SLIT3: variants seen among roughly 807,000 people sequenced by gnomAD.
The protein encoded by SLIT3 is slit guidance ligand 3.
SLIT3 carries 68 observed loss-of-function variants against 184.0 expected under a neutral mutation model. The ratio of observed to expected loss-of-function variants is 0.37; its 90% confidence interval spans 0.30 to 0.45. The LOEUF is 0.45. Among genes scored for constraint, SLIT3 ranks in the 20% least tolerant of loss-of-function variants. The probability of loss-of-function intolerance (pLI) is 1.00; values close to 1 mark genes in which losing one functional copy is unlikely to be tolerated. For missense variants in SLIT3, 1,707 were observed against 2,026.0 expected (o/e 0.84, Z 3.02); for synonymous variants, 831 against 828.6 (o/e 1.00, Z -0.05).
chr5:168,850,765 C>T (rs111914324), intron 5 of SLIT3, among the ~76,000 whole-genome samples: 296 of 152,328 alleles, frequency 1.9e-3, no homozygotes, highest in Middle Eastern at 6.8e-3. Context: ...TGCCGTTCAA[C>T]ATATGCAACT....
chr5:168,741,217 T>C (rs1171666349), intron 20 of SLIT3, among the ~76,000 whole-genome samples: 16 of 152,036 alleles, frequency 1.1e-4, no homozygotes, highest in Non-Finnish European at 1.9e-4. Context: ...ATGCCTGTAA[T>C]CCCAGCACTT....
chr5:168,827,572 G>C (rs1757745996), intron 6 of SLIT3, among the ~76,000 whole-genome samples: 1 of 152,088 alleles, frequency 6.6e-6, no homozygotes, highest in African/African-American at 2.4e-5. Flanking sequence ...ATTACCCTTA[G>C]AGCTTATCTG....
chr5:169,214,800 A>G (rs4867758), intron 3 of SLIT3, among the ~76,000 whole-genome samples: 47,399 of 152,054 alleles, frequency 0.31, 8,358 homozygotes, highest in East Asian at 0.69. Context: ...CTCAGAGAAT[A>G]GCTCTGAGCA....
At chr5:168,999,127 G>T (rs1356020894) in intron 4 of SLIT3, among the ~76,000 whole-genome samples, 1 of 152,048 alleles carries the variant, frequency 6.6e-6, no homozygotes, top group Non-Finnish European at 1.5e-5. Context: ...CATTGCCCAG[G>T]CTGGTGTCGA....
At chr5:169,181,496 C>T (rs1357596938) in intron 4 of SLIT3, among the ~76,000 whole-genome samples, 1 of 152,124 alleles carries the variant, frequency 6.6e-6, no homozygotes, top group East Asian at 1.9e-4. Context: ...AATCCCAACA[C>T]TTTGGGAGGC....
chr5:168,757,704 G>A (rs1357759387), intron 16 of SLIT3, among the ~76,000 whole-genome samples: 1 of 152,124 alleles, frequency 6.6e-6, no homozygotes, highest in Non-Finnish European at 1.5e-5. Flanking sequence ...CAAAGTGCTG[G>A]GATTACAGGC....
At chr5:169,134,470 T>G (rs1234010379) in intron 4 of SLIT3, among the ~76,000 whole-genome samples, 1 of 152,070 alleles carries the variant, frequency 6.6e-6, no homozygotes, top group African/African-American at 2.4e-5. Context: ...TTTCTCCCAC[T>G]CCCCCATAGC....
At chr5:168,915,819 T>C (rs1218623683) in intron 4 of SLIT3, among the ~76,000 whole-genome samples, 1 of 152,242 alleles carries the variant, frequency 6.6e-6, no homozygotes. Context: ...AAATGTCATA[T>C]GTGAACTGTG....
chr5:168,859,397 T>C (rs1759023105), intron 5 of SLIT3, among the ~76,000 whole-genome samples: 1 of 152,060 alleles, frequency 6.6e-6, no homozygotes, highest in Non-Finnish European at 1.5e-5. Context: ...AGCACCATTT[T>C]TTTCAAGATA....
chr5:168,900,085 T>C (rs1021792670), intron 4 of SLIT3, among the ~76,000 whole-genome samples: 1 of 152,248 alleles, frequency 6.6e-6, no homozygotes, highest in South Asian at 2.1e-4. Context: ...AAAACCACAA[T>C]GAGATATCAT....
At chr5:169,069,496 T>TAG (rs993837370) in intron 4 of SLIT3, among the ~76,000 whole-genome samples, 35 of 152,078 alleles carry the variant, frequency 2.3e-4, no homozygotes, top group Admixed American at 2.3e-3. Flanking sequence ...TGCAATTCAC[T>TAG]AGAGAGAGAG....
At chr5:169,009,985 A>T (rs984348427) in intron 4 of SLIT3, among the ~76,000 whole-genome samples, 1 of 152,192 alleles carries the variant, frequency 6.6e-6, no homozygotes, top group African/African-American at 2.4e-5. Context: ...AGAAAGGAAA[A>T]GTAGCATGCA....
intron 4 of SLIT3, among the ~76,000 whole-genome samples, chr5:169,108,245 G>A (rs1760290099): frequency 1.3e-5 from 2 of 152,230 alleles, no homozygotes; most frequent in Non-Finnish European, 2.9e-5. Flanking sequence ...GGGAGACAGT[G>A]GAAGAGAAGA....
intron 35 of SLIT3, 64 bp downstream of exon 35, chr5:168,669,719 G>T (rs1582509008): frequency 1.5e-6 from 2 of 1,334,676 alleles, no homozygotes; most frequent in Non-Finnish European, 2.1e-6. Flanking sequence ...GAACTGAGGT[G>T]ATCTGGATGT....
In SLIT3 at chr5:168,701,876, T is replaced by C. The variant is rs749109127; in HGVS notation, c.2845-1197A>G. ...ATCCTCTTCCCTCTTCTGCTGTTGC[T>C]GGTGATGTGATGGAATGGAACTGGG... On this transcript the variant is annotated intron_variant, in intron 26 of 35. Transcript: ENST00000519560. 2.0e-4 allele frequency among the ~76,000 whole-genome samples: 31 copies of C among 152,356 alleles called. No homozygotes were observed. In the South Asian group the frequency reaches 2.3e-3, roughly 11 times the overall value.
At chr5:168,756,872 G>T (rs984017524) in intron 16 of SLIT3, among the ~76,000 whole-genome samples, 11 of 152,288 alleles carry the variant, frequency 7.2e-5, no homozygotes, top group African/African-American at 2.4e-4. Flanking sequence ...CCCATTTCCT[G>T]ACATCTGTTT....
intron 4 of SLIT3, among the ~76,000 whole-genome samples, chr5:168,926,741 G>A (rs940815759): frequency 1.2e-5 from 1 of 82,578 alleles, no homozygotes; most frequent in African/African-American, 5.9e-5. Flanking sequence ...ACTTTTCTAC[G>A]AAGAAGACAT....
At chr5:169,089,087 G>A (rs2113195308) in intron 4 of SLIT3, among the ~76,000 whole-genome samples, 1 of 142,712 alleles carries the variant, frequency 7.0e-6, no homozygotes, top group East Asian at 2.2e-4. Context: ...CAGTGGTAGG[G>A]CCAGGGAATC....
chr5:168,685,555 G>C lies in SLIT3; in HGVS notation c.3555+132C>G, dbSNP rs1033017795. 12 of 1,221,816 alleles carry C rather than the reference G, an allele frequency of 9.8e-6. No homozygotes were observed. The African/African-American group carries it at 1.7e-4, about 17-fold the overall frequency. The allele number at this position is 1,221,816 out of a possible 1,614,324, so 75.7% of individuals were successfully genotyped here. ...AGAACTCTCTGGATGAGTTGGTCCA[G>C]ATGTCCTCAAGCTGAGTGTTGTCCC... On this transcript the variant is annotated intron_variant, in intron 31 of 35. Transcript: ENST00000519560.
Sources: allele counts gnomAD v4.1 joint callset (sites outside exome capture counted in the v4.1 genomes callset), GRCh38; gene constraint gnomAD v4.1.1; transcripts MANE v1.5; gene names NCBI Gene and HGNC (gene_info 2026-07-23, HGNC 2026-07-21).